The following CSMD2 variants were observed in gnomAD, a reference collection of about 807,000 sequenced individuals.
CSMD2 encodes CUB and Sushi multiple domains 2.
Under a neutral mutation model 398.5 loss-of-function variants are expected in CSMD2, and 130 were observed. The ratio of observed to expected loss-of-function variants is 0.33; its 90% CI spans 0.28 to 0.38. The LOEUF (loss-of-function observed/expected upper bound fraction) is 0.38, where lower values mean the gene tolerates loss of function less well. CSMD2 is among the 10% of genes least tolerant of loss of function. CSMD2 has a pLI of 1.00. For missense variants in CSMD2, 3,829 were observed against 4,764.9 expected, an observed-to-expected ratio of 0.80 and a Z score of 5.78; for synonymous variants, 1,828 against 1,908.5, an observed-to-expected ratio of 0.96 and a Z score of 1.10.
chr1:33,704,966 G>A (rs1477427241), intron 22 of CSMD2, among the ~76,000 whole-genome samples: 1 of 151,424 alleles, frequency 6.6e-6, no homozygotes, highest in African/African-American at 2.4e-5. Context: ...TAGAGACAGG[G>A]TTTCACTGTA....
At position 33,725,412 on chromosome 1, in the gene CSMD2, G is replaced by A. The variant is rs755057813; in HGVS notation, c.2632C>T (p.Leu878Phe). 6.2e-7 allele frequency: 1 copy of A among 1,614,186 alleles called. No individual in the cohort carries two copies. Among genetic ancestry groups the A allele is most frequent in the Admixed American group, 1.7e-5 (1 of 60,028 alleles). Residue 878 changes from leucine (L) to phenylalanine (F), a missense_variant, in exon 17 of 71, where the codon CTC becomes TTC. By Grantham distance (22) the Leu-to-Phe change is conservative. Transcript: ENST00000373381. ...TTGTCGGTAGAGAAGAGGAGGTAGAGGTAGTTGCTGGTGCTGATGAGGAAC... is the reference window on the plus strand; with the variant it reads ...TTGTCGGTAGAGAAGAGGAGGTAGAAGTAGTTGCTGGTGCTGATGAGGAAC... ...PQFLISTSNY[L>F]YLLFSTDKSH...
chr1:34,150,498 G>A (rs1640205140), intron 1 of CSMD2, among the ~76,000 whole-genome samples: 1 of 152,128 alleles, frequency 6.6e-6, no homozygotes, highest in Non-Finnish European at 1.5e-5. Context: ...GTCTTAGCAA[G>A]TAATTTAATT....
intron 6 of CSMD2, among the ~76,000 whole-genome samples, chr1:33,832,325 G>A (rs1015779391): frequency 6.6e-6 from 1 of 151,782 alleles, no homozygotes; most frequent in Non-Finnish European, 1.5e-5. Context: ...TCAGAACACA[G>A]TGCAATCAAA....
intron 31 of CSMD2, among the ~76,000 whole-genome samples, chr1:33,634,984 T>C (rs1297824709): frequency 6.6e-6 from 1 of 152,130 alleles, no homozygotes; most frequent in Non-Finnish European, 1.5e-5. Flanking sequence ...ACCAACTCTG[T>C]CCCCTTGGTT....
chr1:33,587,812 T>A (rs985238146), intron 44 of CSMD2, among the ~76,000 whole-genome samples: 2 of 152,340 alleles, frequency 1.3e-5, no homozygotes, highest in Non-Finnish European at 2.9e-5. Flanking sequence ...AGGATGCTAT[T>A]TACTGAGGCT....
intron 13 of CSMD2, among the ~76,000 whole-genome samples, chr1:33,751,066 G>A (rs1430816547): frequency 6.6e-6 from 1 of 151,986 alleles, no homozygotes; most frequent in African/African-American, 2.4e-5. Context: ...ACAGAAAGAT[G>A]TACACTCAAC....
chr1:33,614,035 C>T (rs565892227), intron 40 of CSMD2, among the ~76,000 whole-genome samples: 3 of 152,212 alleles, frequency 2.0e-5, no homozygotes, highest in African/African-American at 4.8e-5. Flanking sequence ...AATGCAAACT[C>T]GATTTCTCAT....
intron 52 of CSMD2, among the ~76,000 whole-genome samples, chr1:33,568,714 G>A (rs1385200679): frequency 6.6e-6 from 1 of 152,168 alleles, no homozygotes; most frequent in Non-Finnish European, 1.5e-5. Flanking sequence ...TTGGCTCTCT[G>A]TGGAAATAAC....
intron 19 of CSMD2, among the ~76,000 whole-genome samples, chr1:33,723,866 G>A (rs1216609253): frequency 6.6e-6 from 1 of 152,220 alleles, no homozygotes; most frequent in Non-Finnish European, 1.5e-5. Context: ...CATCAGGCAT[G>A]TTTAGGCAGA....
Position 33,611,148 on chromosome 1 carries a change from C to G in CSMD2, c.6236G>C (p.Ser2079Thr), listed in dbSNP as rs1313651130. Residue 2079 changes from serine to threonine, a missense_variant, in exon 41 of 71, where the codon AGT becomes ACT. Ser to Thr is a moderately conservative substitution (Grantham distance 58). Around this residue, in one of 5 missense-constraint regions of CSMD2, gnomAD observed 2,001 missense variants for 2,567.1 expected, o/e 0.78. Transcript: ENST00000373381. Reference protein sequence around the residue: ...YETSRMMGRFSGSELPSSLLS... With the variant: ...YETSRMMGRFTGSELPSSLLS... Reference sequence around the variant, plus strand: ...GAGGGAGCTTGGAAGCTCGCTTCCACTGAATCTTCCCATCATGCGGCTGGT... The same window carrying G: ...GAGGGAGCTTGGAAGCTCGCTTCCAGTGAATCTTCCCATCATGCGGCTGGT... The G allele has an allele frequency of 1.2e-6, 2 of 1,613,938 alleles. No homozygotes were observed. The highest frequency in any genetic ancestry group is 2.7e-5 in the African/African-American group (2 of 74,880).
In CSMD2 at chr1:33,947,297, C is replaced by T. The variant is rs74859663; in HGVS notation, c.518-11343G>A. 4.2e-3 allele frequency among the ~76,000 whole-genome samples: 641 copies of T among 152,320 alleles called. 5 individuals are homozygous for T. The highest frequency in any genetic ancestry group is 0.015 in the African/African-American group (611 of 41,574). On this transcript the variant is annotated intron_variant, in intron 3 of 70. Transcript: ENST00000373381. The stretch of plus-strand genomic sequence containing the variant: ...TGGGAGCCCTGCTCTGGGCCAGGCT[C>T]TGCTGCCCCTGCCCAAGGCTGAGTC...
intron 32 of CSMD2, among the ~76,000 whole-genome samples, chr1:33,631,681 T>A (rs555248648): frequency 5.2e-4 from 79 of 152,170 alleles, no homozygotes; most frequent in African/African-American, 1.9e-3. Context: ...TATAGCACCC[T>A]CCCAAGGGCT....
At chr1:34,086,253 T>C (rs531959814) in intron 2 of CSMD2, among the ~76,000 whole-genome samples, 61 of 152,314 alleles carry the variant, frequency 4.0e-4, no homozygotes, top group Middle Eastern at 3.4e-3. Context: ...AGGTGCCCCA[T>C]AGATGGTGTC....
At position 33,739,129 on chromosome 1, in the gene CSMD2, C is replaced by A. The variant is rs771460298; in HGVS notation, c.2368+11G>T. The stretch of plus-strand genomic sequence containing the variant: ...GACAATGGCCACTGCTCCCAGCCTG[C>A]AGGCTCGTACCTTCACACCGCAGCA... On this transcript the variant is annotated intron_variant, in intron 15 of 70. Transcript: ENST00000373381. 1.2e-6 allele frequency: 2 copies of A among 1,606,786 alleles called. No homozygotes were observed. Among genetic ancestry groups the A allele is most frequent in the East Asian group, 4.5e-5 (2 of 44,588 alleles).
rs1655890913 is a variant in CSMD2 at position 33,537,308 on chromosome 1, G to C, written c.9805+128C>G. 4.3e-6 allele frequency: 5 copies of C among 1,171,424 alleles called. No homozygotes were observed. Among genetic ancestry groups the C allele is most frequent in the Non-Finnish European group, 6.1e-6 (5 of 813,016 alleles). The allele number at this position is 1,171,424 out of a possible 1,614,324, so 72.6% of individuals were successfully genotyped here. On this transcript the variant is annotated intron_variant, in intron 61 of 70. Coordinates refer to ENST00000373381, the MANE Select transcript of CSMD2 (RefSeq NM_001281956.2). This position sits in a 1 kb window ranked among gnomAD's most constrained non-coding sequence, Gnocchi z 4.6. ...TTTTACATCCTGCTGCAGAAGCTCAGAGGATGAGATGTTCCCTTTTGCAGA... is the reference window on the plus strand; with the variant it reads ...TTTTACATCCTGCTGCAGAAGCTCACAGGATGAGATGTTCCCTTTTGCAGA...
intron 41 of CSMD2, among the ~76,000 whole-genome samples, chr1:33,610,553 G>C (rs994001518): frequency 6.6e-6 from 1 of 152,210 alleles, no homozygotes; most frequent in African/African-American, 2.4e-5. Flanking sequence ...TGTGGTGAGT[G>C]TGGTTGGGCC....
intron 5 of CSMD2, chr1:33,873,768 C>T: frequency 6.6e-6 from 1 of 152,256 alleles, no homozygotes; most frequent in East Asian, 1.9e-4. Context: ...ACATTCCTAA[C>T]ACAGAGAAAA....
chr1:33,716,388 G>A lies in CSMD2; in HGVS notation c.3115C>T (p.Pro1039Ser). Residue 1039 changes from proline to serine, a missense_variant, in exon 20 of 71, where the codon CCA (proline) becomes TCA (serine). Pro to Ser is a moderately conservative substitution (Grantham distance 74). This residue lies in a region of CSMD2 where 2,001 missense variants were observed against 2,567.1 expected (regional missense o/e 0.78). Coordinates refer to ENST00000373381, the MANE Select transcript of CSMD2 (RefSeq NM_001281956.2). ...TAGAGCCCAGCGCTGATGGGAGCTG[G>A]CAGCCGAGATCCAGTTAGCTGCCTC... ...PLRQLTGSRL[P>S]APISAGLYGN... The A allele has an allele frequency of 6.2e-7, 1 of 1,614,172 alleles. No homozygotes were observed. The highest frequency in any genetic ancestry group is 8.5e-7 in the Non-Finnish European group (1 of 1,180,042).
chr1:33,923,494 A>G (rs1644020773), intron 4 of CSMD2, among the ~76,000 whole-genome samples: 1 of 152,156 alleles, frequency 6.6e-6, no homozygotes, highest in Admixed American at 6.5e-5. Flanking sequence ...TGAGTCAATT[A>G]AACCTCTTTT....
Sources: gnomAD v4.1 joint callset for allele counts (sites outside exome capture counted in the v4.1 genomes callset) on GRCh38, gnomAD v4.1.1 for gene constraint, gnomAD v4.1.1 regional missense constraint, Gnocchi (gnomAD v3.1) non-coding constraint, MANE v1.5 for transcripts, NCBI Gene and HGNC (gene_info 2026-07-23, HGNC 2026-07-21) for gene names.